FEZ2: variants seen among roughly 807,000 people sequenced by gnomAD.
The protein encoded by FEZ2 is fasciculation and elongation protein zeta-2.
Under a neutral mutation model 40.4 loss-of-function variants are expected in FEZ2, and 51 were observed. The observed-to-expected ratio is 1.26, with a 90% CI of 1.01 to 1.59. FEZ2 has a LOEUF of 1.59. FEZ2 is among the 40% of genes most tolerant of loss of function. The pLI is 0.00. For missense variants in FEZ2, 640 were observed against 438.3 expected (o/e 1.46, Z -4.11); for synonymous variants, 242 against 172.0 (o/e 1.41, Z -3.18).
chr2:36,586,812 C>T (rs765100319), intron 2 of FEZ2, among the ~76,000 whole-genome samples: 28 of 151,910 alleles, frequency 1.8e-4, no homozygotes, highest in Non-Finnish European at 3.1e-4. Context: ...CCAGGCATGG[C>T]GGTACTCGTG....
At chr2:36,563,555 G>A (rs1489548008) in intron 5 of FEZ2, among the ~76,000 whole-genome samples, 1 of 151,054 alleles carries the variant, frequency 6.6e-6, no homozygotes, top group Non-Finnish European at 1.5e-5. Context: ...CTACGTCTGA[G>A]AACGTGCTCC....
chr2:36,571,690 T>C (rs746242952), intron 5 of FEZ2, among the ~76,000 whole-genome samples: 1 of 150,946 alleles, frequency 6.6e-6, no homozygotes. Flanking sequence ...GAATTTAGTA[T>C]CTCAAGCACC....
chr2:36,594,957 A>G (rs1669171770), intron 1 of FEZ2, among the ~76,000 whole-genome samples: 1 of 152,226 alleles, frequency 6.6e-6, no homozygotes, highest in Non-Finnish European at 1.5e-5. Context: ...CTAGTGAAAG[A>G]TTTCTAGAAT....
chr2:36,574,475 A>T (rs543994836), intron 5 of FEZ2, among the ~76,000 whole-genome samples: 1 of 151,586 alleles, frequency 6.6e-6, no homozygotes, highest in African/African-American at 2.4e-5. Context: ...AGAGATAGGC[A>T]TGAAAACAAA....
Position 36,583,370 on chromosome 2 carries a change from G to A in FEZ2, c.475C>T (p.Leu159Phe), listed in dbSNP as rs752066786. ...CTCTATACCTGGTCTGCCGTGAAGA[G>A]GGGTTCATCATTAACACAGGAGACG... ...IIVSCVNDEP[L>F]FTADQVIEEI... Residue 159 changes from leucine (L) to phenylalanine (F), a missense_variant, in exon 3 of 8, where the codon CTC (leucine) becomes TTC (phenylalanine). Leu to Phe is a conservative substitution (Grantham distance 22). Transcript: ENST00000405912. 6.3e-7 allele frequency: 1 copy of A among 1,579,842 alleles called. No individual in the cohort carries two copies. Among genetic ancestry groups the A allele is most frequent in the East Asian group, 2.2e-5 (1 of 44,684 alleles).
intron 6 of FEZ2, chr2:36,557,167 A>C (rs888973760): frequency 1.3e-5 from 2 of 152,222 alleles, no homozygotes; most frequent in Non-Finnish European, 2.9e-5. Context: ...AAAATCACAT[A>C]CCAAAAACCA....
At chr2:36,567,631 G>A (rs867520196) in intron 5 of FEZ2, among the ~76,000 whole-genome samples, 7 of 151,990 alleles carry the variant, frequency 4.6e-5, no homozygotes, top group African/African-American at 7.2e-5. Flanking sequence ...ACGTGGTGGC[G>A]GGTGCCTGTA....
At chr2:36,588,567 A>C (rs1466079422) in intron 2 of FEZ2, among the ~76,000 whole-genome samples, 1 of 152,058 alleles carries the variant, frequency 6.6e-6, no homozygotes, top group Non-Finnish European at 1.5e-5. Context: ...CCCTTATATA[A>C]AGTGGGGTAG....
intron 1 of FEZ2, chr2:36,591,293 C>A (rs958112250): frequency 5.5e-6 from 2 of 363,100 alleles, no homozygotes; most frequent in African/African-American, 4.2e-5. Flanking sequence ...GTGCTAGGCA[C>A]TGTTCTAAGC....
Position 36,598,008 on chromosome 2 carries a change from G to C in FEZ2, c.135C>G (p.Asp45Glu). 6.7e-7 allele frequency: 1 copy of C among 1,495,406 alleles called. No homozygotes were observed. Among genetic ancestry groups the C allele is most frequent in the Non-Finnish European group, 8.9e-7 (1 of 1,128,004 alleles). 92.6% of individuals were successfully genotyped at this position (1,495,406 alleles called of 1,614,324 possible). A position where few individuals can be genotyped will look rare whatever the true frequency, so the allele number is the denominator to read the frequency against. ...EAGAEAGGGADGFPAPACSLE... is the reference protein window; with the variant it reads ...EAGAEAGGGAEGFPAPACSLE... ...AGCTGCAGGCCGGGGCCGGGAAACC[G>C]TCGGCGCCCCCACCCGCCTCGGCCC... Residue 45 changes from aspartate (D) to glutamate (E), a missense_variant, in exon 1 of 8, where the codon GAC becomes GAG. Transcript: ENST00000405912.
chr2:36,594,865 T>A (rs1669168343), intron 1 of FEZ2, among the ~76,000 whole-genome samples: 1 of 152,232 alleles, frequency 6.6e-6, no homozygotes, highest in African/African-American at 2.4e-5. Context: ...TCAGTGAGTT[T>A]GATCTTCCAA....
chr2:36,568,773 A>G (rs1430581937), intron 5 of FEZ2, among the ~76,000 whole-genome samples: 1 of 152,234 alleles, frequency 6.6e-6, no homozygotes, highest in African/African-American at 2.4e-5. Flanking sequence ...ACCAGTATTT[A>G]CGCTGAGAAT....
chr2:36,573,376 T>G (rs532837843), intron 5 of FEZ2, among the ~76,000 whole-genome samples: 1 of 152,314 alleles, frequency 6.6e-6, no homozygotes, highest in African/African-American at 2.4e-5. Flanking sequence ...TAACCTGGTG[T>G]TGTTCAACCT....
chr2:36,564,703 C>CA (rs1190671190), intron 5 of FEZ2, among the ~76,000 whole-genome samples: 2 of 152,046 alleles, frequency 1.3e-5, no homozygotes, highest in Non-Finnish European at 2.9e-5. Context: ...AGATGAGCCA[C>CA]AAAGGACAAT....
chr2:36,552,679 G>A lies in FEZ2; in HGVS notation c.*484C>T. The A allele has an allele frequency of 5.0e-6, 1 of 198,334 alleles. No homozygotes were observed. Among genetic ancestry groups the A allele is most frequent in the Non-Finnish European group, 1.0e-5 (1 of 96,366 alleles). 12.3% of individuals were successfully genotyped at this position (198,334 alleles called of 1,614,324 possible). On this transcript the variant is annotated 3_prime_UTR_variant, in exon 8 of 8. Transcript: ENST00000405912. Reference sequence around the variant, plus strand: ...TTCTGGTTTTGCTTCTTCAAGAACAGCCCGTTTATTCTGTTTCAATCTCTC... The same window carrying A: ...TTCTGGTTTTGCTTCTTCAAGAACAACCCGTTTATTCTGTTTCAATCTCTC...
chr2:36,558,599 C>A, intron 5 of FEZ2, 86 bp from the exon 6 acceptor site: 1 of 660,036 alleles, frequency 1.5e-6, no homozygotes, highest in Non-Finnish European at 2.5e-6. Context: ...GAAGGTCTAT[C>A]TGATAATATA....
intron 5 of FEZ2, among the ~76,000 whole-genome samples, chr2:36,563,322 G>A (rs1668140796): frequency 6.6e-6 from 1 of 152,174 alleles, no homozygotes; most frequent in African/African-American, 2.4e-5. Flanking sequence ...AGAAGGTAAA[G>A]TAAGGAATGC....
rs115756223 is a variant in FEZ2 at position 36,554,797 on chromosome 2, A to C, written c.1045+886T>G. On this transcript the variant is annotated intron_variant, in intron 7 of 7. Coordinates refer to ENST00000405912, the MANE Select transcript of FEZ2 (RefSeq NM_005102.3). ...TGACACTATGGTTTAAGAAAAGACC[A>C]TCAGAGGTTTCTAATGTCTCAGAAA... Among the ~76,000 whole-genome samples the C allele has an allele frequency of 8.0e-3, 1,221 of 152,260 alleles. 15 individuals are homozygous for C. The highest frequency in any genetic ancestry group is 0.026 in the African/African-American group (1,066 of 41,544).
At position 36,594,450 on chromosome 2, in the gene FEZ2, A is replaced by G. The variant is rs192681848; in HGVS notation, c.266+3427T>C. 1.8e-3 allele frequency: 360 copies of G among 200,070 alleles called. 9 individuals are homozygous for G. In the East Asian group the frequency reaches 0.049, roughly 27 times the overall value. 12.4% of individuals were successfully genotyped at this position (200,070 alleles called of 1,614,324 possible). ...GCTGGGGAGGCCTCAGAATCATGGC[A>G]GGAGGCAAAAGGCACTTCTTACATG... On this transcript the variant is annotated intron_variant, in intron 1 of 7. Transcript: ENST00000405912.
Sources: gnomAD v4.1 joint callset for allele counts (sites outside exome capture counted in the v4.1 genomes callset) on GRCh38, gnomAD v4.1.1 for gene constraint, MANE v1.5 for transcripts, NCBI Gene and HGNC (gene_info 2026-07-23, HGNC 2026-07-21) for gene names.